Variants in CRHBP observed in about 807,000 individuals in gnomAD.
CRHBP encodes corticotropin releasing hormone binding protein, also known as corticotropin-releasing hormone-binding protein.
A neutral mutation model predicts 34.9 loss-of-function variants in CRHBP; 19 were observed. That is an observed-to-expected ratio of 0.55 (90% confidence interval 0.38 to 0.80). The LOEUF is 0.80. Ranked by LOEUF, CRHBP falls within the 30% of genes least tolerant of loss-of-function variation. The pLI is 0.00. For missense variants in CRHBP, 328 were observed against 409.2 expected (o/e 0.80, Z 1.71); for synonymous variants, 154 against 153.4 (o/e 1.00, Z -0.03).
At chr5:76,977,846 CAGTT>C (rs1267341338) in intron 3 of CRHBP, among the ~76,000 whole-genome samples, 1 of 152,154 alleles carries the variant, frequency 6.6e-6, no homozygotes, top group Non-Finnish European at 1.5e-5. Context: ...TTATTCCAAA[CAGTT>C]AGCCAAGTTG....
At chr5:76,979,126 T>A (rs1394685163) in intron 3 of CRHBP, among the ~76,000 whole-genome samples, 1 of 152,228 alleles carries the variant, frequency 6.6e-6, no homozygotes, top group Non-Finnish European at 1.5e-5. Flanking sequence ...TTAGCATTTT[T>A]TAGCAATAAA....
chr5:76,953,139 C>T lies in CRHBP; in HGVS notation c.5C>T (p.Ser2Leu). The change falls in exon 1 of 7, where the codon TCG becomes TTG. Residue 2 changes from serine (S) to leucine (L), a missense_variant. By Grantham distance (145) the Ser-to-Leu change is moderately radical (BLOSUM62 -2). Around this residue, in one of 3 missense-constraint regions of CRHBP, gnomAD observed 11 missense variants for 20.3 expected, o/e 0.54. Transcript: ENST00000274368. Reference sequence around the variant, plus strand: ...AGCTGCAGAGGCAAGGCCAGCATGTCGCCCAACTTCAAACTTCAGTGTCAC... The same window carrying T: ...AGCTGCAGAGGCAAGGCCAGCATGTTGCCCAACTTCAAACTTCAGTGTCAC... The part of the protein sequence containing the change: M[S>L]PNFKLQCHFI... 1.9e-6 allele frequency: 3 copies of T among 1,614,238 alleles called. No individual in the cohort carries two copies. The highest frequency in any genetic ancestry group is 2.5e-6 in the Non-Finnish European group (3 of 1,180,032).
chr5:76,954,311 C>A (rs373073146), intron 3 of CRHBP, 125 bp downstream of exon 3: 6 of 1,166,830 alleles, frequency 5.1e-6, no homozygotes, highest in East Asian at 5.1e-5. Flanking sequence ...TTAGACACTT[C>A]GCTGGTGCCC....
chr5:76,977,419 T>C (rs1245827640), intron 3 of CRHBP, among the ~76,000 whole-genome samples: 8 of 152,226 alleles, frequency 5.3e-5, no homozygotes, highest in Admixed American at 5.2e-4. Context: ...ACTTCATGTG[T>C]CTGTGTCACA....
intron 1 of CRHBP, 43 bp downstream of exon 1, chr5:76,953,258 T>A (rs1745599091): frequency 6.3e-7 from 1 of 1,588,062 alleles, no homozygotes; most frequent in Non-Finnish European, 8.6e-7. Flanking sequence ...TCCTTGCGTG[T>A]TAGCCCTAGG....
rs375760340 is a variant in CRHBP, at chr5:76,964,035, G to C, written c.811+575G>C. 4.4e-4 allele frequency among the ~76,000 whole-genome samples: 67 copies of C among 152,232 alleles called. 1 individual carries two copies. Among genetic ancestry groups the C allele is most frequent in the African/African-American group, 1.5e-3 (64 of 41,544 alleles). On this transcript the variant is annotated intron_variant, in intron 6 of 6. Transcript: ENST00000274368. Reference sequence around the variant, plus strand: ...CTAAAAGCGGTCACCAGTAATAGAAGACTGGTTTATTTGGCACAGCATATG... The same window carrying C: ...CTAAAAGCGGTCACCAGTAATAGAACACTGGTTTATTTGGCACAGCATATG...
intron 5 of CRHBP, among the ~76,000 whole-genome samples, chr5:76,962,834 G>A (rs958526491): frequency 6.6e-6 from 1 of 151,298 alleles, no homozygotes; most frequent in African/African-American, 2.4e-5. Context: ...TTAGAAATGA[G>A]GTGTTCCAAT....
At chr5:76,953,931 C>G in intron 2 of CRHBP, 98 bp from the exon 3 acceptor site, 2 of 1,441,698 alleles carry the variant, frequency 1.4e-6, no homozygotes, top group Non-Finnish European at 1.9e-6. Context: ...CTGGGCACTA[C>G]AGAGCCCGGG....
rs532862106 is a variant in CRHBP at position 76,968,236 on chromosome 5, C to T, written c.812-492C>T. 1.3e-4 allele frequency among the ~76,000 whole-genome samples: 19 copies of T among 149,202 alleles called. No homozygotes were observed. In the South Asian group the frequency reaches 2.5e-3, roughly 20 times the overall value. Reference sequence around the variant, plus strand: ...TTTTTTTTGGTCTACATAAATGTCCCGCAGTACATTCCATCCTCTAGCCCC... The same window carrying T: ...TTTTTTTTGGTCTACATAAATGTCCTGCAGTACATTCCATCCTCTAGCCCC... On this transcript the variant is annotated intron_variant, in intron 6 of 6. Coordinates refer to ENST00000274368, the MANE Select transcript of CRHBP (RefSeq NM_001882.4).
rs1431240272 is a variant in CRHBP, at chr5:76,961,860, T to C, written c.694-1483T>C. Among the ~76,000 whole-genome samples the C allele has an allele frequency of 3.3e-5, 5 of 152,256 alleles. No homozygotes were observed. The South Asian group carries it at 1.0e-3, about 32-fold the overall frequency. On this transcript the variant is annotated intron_variant, in intron 5 of 6. Coordinates refer to ENST00000274368, the MANE Select transcript of CRHBP (RefSeq NM_001882.4). Reference sequence around the variant, plus strand: ...CCTCTGCCTCCCAGGTTCAAGTGATTCTCCCACCTCAGCTTCCCGAGTAGC... The same window carrying C: ...CCTCTGCCTCCCAGGTTCAAGTGATCCTCCCACCTCAGCTTCCCGAGTAGC...
intron 3 of CRHBP, among the ~76,000 whole-genome samples, chr5:76,976,919 G>A (rs1746042115): frequency 6.6e-6 from 1 of 151,996 alleles, no homozygotes; most frequent in Non-Finnish European, 1.5e-5. Context: ...ATTAAAATAG[G>A]GTGGTCCATT....
chr5:76,971,811 T>A (rs532817666), downstream of CRHBP, among the ~76,000 whole-genome samples: 32 of 152,314 alleles, frequency 2.1e-4, no homozygotes, highest in African/African-American at 7.2e-4. Flanking sequence ...ATTCTCCATC[T>A]CTGTAATCTT....
chr5:76,975,158 T>A (rs1250677806), intron 2 of CRHBP, among the ~76,000 whole-genome samples: 1 of 152,196 alleles, frequency 6.6e-6, no homozygotes, highest in Non-Finnish European at 1.5e-5. Flanking sequence ...TAAGAAAACA[T>A]GTCTTGTGTT....
downstream of CRHBP, among the ~76,000 whole-genome samples, chr5:76,971,130 A>G (rs1412772939): frequency 6.6e-6 from 1 of 152,210 alleles, no homozygotes; most frequent in African/African-American, 2.4e-5. Flanking sequence ...ATGAAACAAT[A>G]TGACTTTCTA....
At chr5:76,977,642 C>T (rs1270121696) in intron 3 of CRHBP, among the ~76,000 whole-genome samples, 1 of 152,210 alleles carries the variant, frequency 6.6e-6, no homozygotes, top group African/African-American at 2.4e-5. Context: ...CTCCCTTTCT[C>T]TTGCCTCGGG....
chr5:76,959,226 G>A (rs567151591), intron 5 of CRHBP, among the ~76,000 whole-genome samples: 9 of 152,264 alleles, frequency 5.9e-5, no homozygotes, highest in South Asian at 2.1e-4. Context: ...CTAGCAGAAC[G>A]TAGTGTGAGT....
chr5:76,963,253 T>G, intron 5 of CRHBP, 90 bp from the exon 6 acceptor site: 3 of 958,030 alleles, frequency 3.1e-6, no homozygotes, highest in Non-Finnish European at 5.1e-6. Context: ...GAGGGCTGAT[T>G]GAGTGAATTC....
intron 3 of CRHBP, among the ~76,000 whole-genome samples, chr5:76,979,969 C>T (rs112828449): frequency 1.1e-4 from 17 of 151,812 alleles, no homozygotes; most frequent in African/African-American, 3.4e-4. Flanking sequence ...GCAGTGGGGC[C>T]GGCCGGGCGC....
At chr5:76,953,285 T>G in intron 1 of CRHBP, 70 bp downstream of exon 1, 1 of 1,430,636 alleles carries the variant, frequency 7.0e-7, no homozygotes. Context: ...GCAGGCTGCC[T>G]CTGCTCGCAG....
Sources: gnomAD v4.1 joint callset for allele counts (sites outside exome capture counted in the v4.1 genomes callset) on GRCh38, gnomAD v4.1.1 for gene constraint, gnomAD v4.1.1 regional missense constraint, MANE v1.5 for transcripts, NCBI Gene and HGNC (gene_info 2026-07-23, HGNC 2026-07-21) for gene names.